The following CNGB3 variants were observed in gnomAD, a reference collection of about 807,000 sequenced individuals.
The protein encoded by CNGB3 is cyclic nucleotide-gated channel beta-3.
A neutral mutation model predicts 92.8 loss-of-function variants in CNGB3; 86 were observed. The ratio of observed to expected loss-of-function variants is 0.93; its 90% CI spans 0.78 to 1.11. The LOEUF is 1.11. Ranked by LOEUF, CNGB3 falls within the 50% of genes least tolerant of loss-of-function variation. The pLI is 0.00. For missense variants in CNGB3, 1,026 were observed against 956.8 expected (o/e 1.07, Z -0.95); for synonymous variants, 333 against 332.7 (o/e 1.00, Z -0.01).
At chr8:86,634,402 C>T (rs11785671) in intron 10 of CNGB3, among the ~76,000 whole-genome samples, 7,768 of 152,224 alleles carry the variant, frequency 0.051, 262 homozygotes, top group Non-Finnish European at 0.081. Flanking sequence ...GGTGTATTAA[C>T]TGCATTTTTG....
At chr8:86,649,091 C>T (rs1369762052) in intron 7 of CNGB3, among the ~76,000 whole-genome samples, 3 of 151,172 alleles carry the variant, frequency 2.0e-5, no homozygotes, top group African/African-American at 7.3e-5. Flanking sequence ...AATAACAAAT[C>T]CCTAGGAATA....
chr8:86,593,599 T>C (rs1330195103), intron 15 of CNGB3, among the ~76,000 whole-genome samples: 1 of 152,194 alleles, frequency 6.6e-6, no homozygotes, highest in African/African-American at 2.4e-5. Flanking sequence ...TAGGTACAAA[T>C]GGCCATGAGA....
chr8:86,633,211 T>C (rs1260022326), intron 10 of CNGB3, among the ~76,000 whole-genome samples: 1 of 152,236 alleles, frequency 6.6e-6, no homozygotes, highest in Non-Finnish European at 1.5e-5. Flanking sequence ...GACTCATTTA[T>C]GTTCCATGAT....
chr8:86,730,073 A>C (rs1355983908), intron 2 of CNGB3, among the ~76,000 whole-genome samples: 1 of 152,200 alleles, frequency 6.6e-6, no homozygotes, highest in African/African-American at 2.4e-5. Flanking sequence ...AAAAATAAGT[A>C]GAGTTTGCTC....
intron 3 of CNGB3, among the ~76,000 whole-genome samples, chr8:86,694,902 C>G (rs4609208): frequency 0.69 from 105,089 of 151,858 alleles, 37,192 homozygotes; most frequent in African/African-American, 0.84. Flanking sequence ...CGGGGTGGCG[C>G]CCGGGCAGAG....
intron 3 of CNGB3, among the ~76,000 whole-genome samples, chr8:86,713,961 A>G (rs1047858781): frequency 6.6e-6 from 1 of 152,144 alleles, no homozygotes; most frequent in African/African-American, 2.4e-5. Context: ...CTTCCCCATT[A>G]TCAACATCCC....
At chr8:86,693,315 T>C (rs1824354598) in intron 3 of CNGB3, among the ~76,000 whole-genome samples, 1 of 152,138 alleles carries the variant, frequency 6.6e-6, no homozygotes, top group Non-Finnish European at 1.5e-5. Flanking sequence ...TAGTCCCTCA[T>C]ATAAGTTTTC....
intron 14 of CNGB3, among the ~76,000 whole-genome samples, chr8:86,609,281 A>C (rs1822473826): frequency 6.6e-6 from 1 of 152,200 alleles, no homozygotes; most frequent in South Asian, 2.1e-4. Flanking sequence ...GTTGTGGTGC[A>C]TTAAAGTCAT....
chr8:86,719,990 A>G (rs538268491), intron 3 of CNGB3, among the ~76,000 whole-genome samples: 1 of 152,310 alleles, frequency 6.6e-6, no homozygotes, highest in East Asian at 1.9e-4. Context: ...TTATACAAAA[A>G]TCAACTCAAG....
At chr8:86,590,227 G>C (rs1019076487) in intron 15 of CNGB3, among the ~76,000 whole-genome samples, 73 of 150,464 alleles carry the variant, frequency 4.9e-4, no homozygotes, top group South Asian at 4.2e-3. Context: ...TTGAGCCTAT[G>C]TGTGTCTCTG....
At chr8:86,626,796 T>C (rs989505936) in intron 12 of CNGB3, among the ~76,000 whole-genome samples, 1 of 152,230 alleles carries the variant, frequency 6.6e-6, no homozygotes, top group African/African-American at 2.4e-5. Context: ...AATGATGGGC[T>C]TCAGGCTGAT....
intron 3 of CNGB3, among the ~76,000 whole-genome samples, chr8:86,694,069 C>T (rs1485168534): frequency 1.8e-4 from 17 of 95,174 alleles, no homozygotes; most frequent in Middle Eastern, 5.6e-3. Context: ...GCTGGCCGGG[C>T]GGGGGGGCTG....
chr8:86,605,553 T>C (rs1482869696), intron 14 of CNGB3, among the ~76,000 whole-genome samples: 2 of 152,226 alleles, frequency 1.3e-5, no homozygotes, highest in Non-Finnish European at 2.9e-5. Flanking sequence ...AACCATACTT[T>C]GAAAGAATTA....
intron 13 of CNGB3, among the ~76,000 whole-genome samples, chr8:86,620,503 T>C (rs1822703215): frequency 6.6e-6 from 1 of 152,166 alleles, no homozygotes; most frequent in African/African-American, 2.4e-5. Context: ...CAAATTGAAT[T>C]AGGACCCATC....
rs1277181286 is a variant in CNGB3 at position 86,727,544 on chromosome 8, C to G, written c.212-887G>C. 2.6e-5 allele frequency among the ~76,000 whole-genome samples: 4 copies of G among 152,094 alleles called. 1 individual carries two copies. The highest frequency in any genetic ancestry group is 4.8e-5 in the African/African-American group (2 of 41,536). ...CAGAAATTAATTTCTTCCCGTCAAG[C>G]CTACAGATACAATTTCTAATTAATA... On this transcript the variant is annotated intron_variant, in intron 2 of 17. Coordinates refer to ENST00000320005, the MANE Select transcript of CNGB3 (RefSeq NM_019098.5).
At chr8:86,629,393 C>T (rs534102269) in intron 11 of CNGB3, among the ~76,000 whole-genome samples, 7 of 152,280 alleles carry the variant, frequency 4.6e-5, no homozygotes, top group Non-Finnish European at 7.4e-5. Flanking sequence ...CCATGTAATG[C>T]ATAGGACTAC....
chr8:86,666,874 A>G (rs1474679464), intron 6 of CNGB3, 51 bp downstream of exon 6: 2 of 1,416,948 alleles, frequency 1.4e-6, no homozygotes, highest in African/African-American at 2.8e-5. Flanking sequence ...TTTGTAGCCC[A>G]ATTAGATGTT....
At chr8:86,623,541 C>T (rs1471322446) in intron 13 of CNGB3, among the ~76,000 whole-genome samples, 1 of 152,072 alleles carries the variant, frequency 6.6e-6, no homozygotes, top group African/African-American at 2.4e-5. Context: ...TCTTCCTTCC[C>T]CTTGAGACCT....
chr8:86,731,826 C>A (rs372375485), intron 2 of CNGB3, among the ~76,000 whole-genome samples: 1 of 152,052 alleles, frequency 6.6e-6, no homozygotes, highest in African/African-American at 2.4e-5. Context: ...GTTCCATGAG[C>A]CAGACTGGAA....
Sources: allele counts gnomAD v4.1 joint callset (sites outside exome capture counted in the v4.1 genomes callset), GRCh38; gene constraint gnomAD v4.1.1; transcripts MANE v1.5; gene names NCBI Gene and HGNC (gene_info 2026-07-23, HGNC 2026-07-21).